Variants in CDH18 observed in about 807,000 individuals in gnomAD.
The protein encoded by CDH18 is cadherin 18.
Under a neutral mutation model 67.9 loss-of-function variants are expected in CDH18, and 31 were observed. That is an observed-to-expected ratio of 0.46 (90% confidence interval 0.34 to 0.62). CDH18 has a LOEUF of 0.62. Among genes scored for constraint, CDH18 ranks in the 20% least tolerant of loss-of-function variants. The pLI, the probability that CDH18 is intolerant of heterozygous loss-of-function variation, is 0.01. For missense variants in CDH18, 890 were observed against 975.5 expected (o/e 0.91, Z 1.17); for synonymous variants, 362 against 347.2 (o/e 1.04, Z -0.48).
intron 6 of CDH18, among the ~76,000 whole-genome samples, chr5:19,598,612 A>C (rs1428974314): frequency 2.0e-5 from 3 of 152,170 alleles, no homozygotes; most frequent in Non-Finnish European, 4.4e-5. Flanking sequence ...AAAATAAGAA[A>C]TGAAAAAACT....
At chr5:20,211,459 C>T (rs751832565) in intron 2 of CDH18, among the ~76,000 whole-genome samples, 8 of 152,100 alleles carry the variant, frequency 5.3e-5, no homozygotes, top group African/African-American at 1.2e-4. Context: ...GGGTCCCTGA[C>T]CCCCCGAGTA....
At chr5:19,538,874 A>G (rs537071186) in intron 9 of CDH18, among the ~76,000 whole-genome samples, 1 of 152,286 alleles carries the variant, frequency 6.6e-6, no homozygotes, top group Admixed American at 6.5e-5. Flanking sequence ...TTCACTACTA[A>G]ATATCACTTC....
chr5:19,922,349 T>A (rs1199042273), intron 2 of CDH18, among the ~76,000 whole-genome samples: 1 of 152,206 alleles, frequency 6.6e-6, no homozygotes, highest in African/African-American at 2.4e-5. Flanking sequence ...AGCTTGAAAT[T>A]ACTACAAAAT....
At chr5:20,287,129 GATTGATATCTGT>G (rs902089306) in intron 1 of CDH18, among the ~76,000 whole-genome samples, 15 of 151,796 alleles carry the variant, frequency 9.9e-5, no homozygotes, top group African/African-American at 3.6e-4. Context: ...TGCCTAAGTG[GATTGATATCTGT>G]ATTAGACAAA....
intron 2 of CDH18, among the ~76,000 whole-genome samples, chr5:20,110,046 T>C (rs1747323188): frequency 6.6e-6 from 1 of 152,178 alleles, no homozygotes; most frequent in Non-Finnish European, 1.5e-5. Flanking sequence ...GAAGCATATA[T>C]ATTATTTCTC....
chr5:19,689,498 A>G (rs939689105), intron 5 of CDH18, among the ~76,000 whole-genome samples: 1 of 152,022 alleles, frequency 6.6e-6, no homozygotes, highest in Non-Finnish European at 1.5e-5. Flanking sequence ...GGAATTTATA[A>G]CTATTAGATC....
intron 2 of CDH18, among the ~76,000 whole-genome samples, chr5:19,864,543 A>C (rs1279002535): frequency 5.9e-5 from 9 of 151,726 alleles, no homozygotes; most frequent in Non-Finnish European, 1.3e-4. Flanking sequence ...ATTTAAAAAA[A>C]CAACAACACA....
At chr5:20,180,717 C>T (rs896597493) in intron 2 of CDH18, among the ~76,000 whole-genome samples, 8 of 152,104 alleles carry the variant, frequency 5.3e-5, no homozygotes, top group African/African-American at 1.9e-4. Context: ...ATTGTTGGCA[C>T]CATGGGGCCA....
intron 1 of CDH18, among the ~76,000 whole-genome samples, chr5:19,984,046 C>T (rs1406204883): frequency 6.6e-6 from 1 of 151,992 alleles, no homozygotes; most frequent in Non-Finnish European, 1.5e-5. Flanking sequence ...GCACACTGGA[C>T]TCATAAAAAA....
At chr5:20,564,970 A>G (rs1758417527) in intron 1 of CDH18, among the ~76,000 whole-genome samples, 1 of 152,226 alleles carries the variant, frequency 6.6e-6, no homozygotes, top group African/African-American at 2.4e-5. Context: ...GGGAGATCAC[A>G]GTATATTTTG....
chr5:20,206,655 T>C (rs891660376), intron 2 of CDH18, among the ~76,000 whole-genome samples: 4 of 151,910 alleles, frequency 2.6e-5, no homozygotes. Context: ...CATCCCAGGA[T>C]AAGTATATAT....
intron 7 of CDH18, among the ~76,000 whole-genome samples, chr5:19,587,095 A>G (rs1042163032): frequency 7.9e-5 from 12 of 151,902 alleles, no homozygotes; most frequent in African/African-American, 2.9e-4. Context: ...ATACTTATAG[A>G]TGCTGGATAT....
At chr5:20,235,364 T>C (rs1742392150) in intron 2 of CDH18, among the ~76,000 whole-genome samples, 1 of 151,988 alleles carries the variant, frequency 6.6e-6, no homozygotes, top group Non-Finnish European at 1.5e-5. Context: ...AGGAAAAACA[T>C]TGCAAAATAT....
intron 5 of CDH18, among the ~76,000 whole-genome samples, chr5:19,675,220 C>A (rs765743850): frequency 2.6e-5 from 4 of 152,030 alleles, no homozygotes; most frequent in African/African-American, 4.8e-5. Context: ...AGGGCAAGAT[C>A]GCAGGACTGG....
At chr5:20,508,323 TTATATATATATATATATATATATATA>T (rs55885279) in intron 1 of CDH18, among the ~76,000 whole-genome samples, 4,889 of 111,274 alleles carry the variant, frequency 0.044, 353 homozygotes, top group African/African-American at 0.14. Context: ...ATGACTATGA[TTATATATATATATATATATATATATA>T]TATATATATA....
At chr5:20,335,640 T>C (rs1395833551) in intron 1 of CDH18, among the ~76,000 whole-genome samples, 2 of 152,194 alleles carry the variant, frequency 1.3e-5, no homozygotes, top group Non-Finnish European at 2.9e-5. Context: ...TCAACTTATT[T>C]ATTTGATTAT....
intron 2 of CDH18, among the ~76,000 whole-genome samples, chr5:19,865,783 G>T (rs1228797222): frequency 6.6e-6 from 1 of 152,132 alleles, no homozygotes; most frequent in African/African-American, 2.4e-5. Flanking sequence ...ATGTAATACT[G>T]CCATTTATTT....
intron 2 of CDH18, among the ~76,000 whole-genome samples, chr5:19,894,066 G>C (rs1462743418): frequency 6.6e-6 from 1 of 151,930 alleles, no homozygotes; most frequent in African/African-American, 2.4e-5. Context: ...AAAAGTAAGA[G>C]ATTTTATATT....
At chr5:20,334,791 C>CAA (rs1554119638) in intron 1 of CDH18, among the ~76,000 whole-genome samples, 16 of 149,120 alleles carry the variant, frequency 1.1e-4, no homozygotes, top group African/African-American at 4.1e-4. Context: ...CACACACACA[C>CAA]AAATGGCTTC....
Sources: allele counts gnomAD v4.1 joint callset (sites outside exome capture counted in the v4.1 genomes callset), GRCh38; gene constraint gnomAD v4.1.1; transcripts MANE v1.5; gene names NCBI Gene and HGNC (gene_info 2026-07-23, HGNC 2026-07-21).